NRG1: variants seen among roughly 807,000 people sequenced by gnomAD.
NRG1 encodes the protein neuregulin 1.
NRG1 carries 18 observed loss-of-function variants against 63.8 expected under a neutral mutation model. The ratio of observed to expected loss-of-function variants is 0.28; its 90% CI spans 0.19 to 0.42. NRG1 has a LOEUF of 0.42. Ranked by LOEUF, NRG1 falls within the 10% of genes least tolerant of loss-of-function variation. The pLI is 1.00. For synonymous variants in NRG1, 302 were observed against 301.3 expected, an observed-to-expected ratio of 1.00 and a Z score of -0.02; for missense variants, 762 against 814.7, an observed-to-expected ratio of 0.94 and a Z score of 0.79.
At chr8:32,254,353 T>A (rs1435776514) in intron 1 of NRG1, among the ~76,000 whole-genome samples, 1 of 152,242 alleles carries the variant, frequency 6.6e-6, no homozygotes, top group Non-Finnish European at 1.5e-5. Flanking sequence ...GCTTTAGCTG[T>A]GTCCCAGATA....
chr8:31,662,963 G>A (rs1267946166), intron 1 of NRG1, among the ~76,000 whole-genome samples: 5 of 152,088 alleles, frequency 3.3e-5, no homozygotes, highest in Non-Finnish European at 7.4e-5. Context: ...TTCTCTCCAT[G>A]CCTGTGGCCA....
At chr8:31,968,071 C>T (rs965751515) in intron 1 of NRG1, among the ~76,000 whole-genome samples, 1 of 152,080 alleles carries the variant, frequency 6.6e-6, no homozygotes, top group African/African-American at 2.4e-5. Context: ...GAAGCACATC[C>T]CTCCCTTTTG....
At chr8:32,447,091 GCAACCTCCACTTGAACCTCC>G (rs1820355192) in intron 1 of NRG1, among the ~76,000 whole-genome samples, 1 of 151,426 alleles carries the variant, frequency 6.6e-6, no homozygotes, top group Admixed American at 6.6e-5. Flanking sequence ...TCAGCTCACT[GCAACCTCCACTTGAACCTCC>G]AGGTTCAAGT....
At chr8:31,880,588 G>A (rs1310588798) in intron 1 of NRG1, among the ~76,000 whole-genome samples, 3 of 152,104 alleles carry the variant, frequency 2.0e-5, no homozygotes, top group African/African-American at 7.2e-5. Context: ...CCCTCTCCAT[G>A]TCTGAACCTT....
intron 1 of NRG1, among the ~76,000 whole-genome samples, chr8:32,215,620 C>T (rs1463647159): frequency 1.3e-5 from 2 of 152,206 alleles, no homozygotes; most frequent in Non-Finnish European, 2.9e-5. Context: ...GAGTCTGAAT[C>T]TATTGCCTCT....
At chr8:31,727,741 A>G (rs1210354097) in intron 1 of NRG1, among the ~76,000 whole-genome samples, 1 of 152,196 alleles carries the variant, frequency 6.6e-6, no homozygotes, top group African/African-American at 2.4e-5. Flanking sequence ...CAAGTCCTAC[A>G]TATATTGTCT....
At chr8:32,397,187 T>G (rs186508663) in intron 1 of NRG1, among the ~76,000 whole-genome samples, 2 of 152,294 alleles carry the variant, frequency 1.3e-5, no homozygotes, top group South Asian at 2.1e-4. Flanking sequence ...CCTGGAAAGC[T>G]AATTTTTCTA....
chr8:32,177,769 C>T (rs1840959849), intron 1 of NRG1, among the ~76,000 whole-genome samples: 1 of 152,102 alleles, frequency 6.6e-6, no homozygotes, highest in African/African-American at 2.4e-5. Flanking sequence ...GGGACCATTT[C>T]AGCATGTTCT....
chr8:32,483,890 C>G (rs531998184), intron 1 of NRG1, among the ~76,000 whole-genome samples: 2 of 152,168 alleles, frequency 1.3e-5, no homozygotes, highest in African/African-American at 4.8e-5. Context: ...AGATCACAAG[C>G]TCAGGAGATC....
At chr8:32,551,313 T>A (rs1563626226) in intron 1 of NRG1, among the ~76,000 whole-genome samples, 1 of 152,340 alleles carries the variant, frequency 6.6e-6, no homozygotes, top group Non-Finnish European at 1.5e-5. Context: ...TCTTAGTGCC[T>A]GTCAGTTCCA....
chr8:31,687,093 C>T (rs1322038699), intron 1 of NRG1, among the ~76,000 whole-genome samples: 1 of 151,910 alleles, frequency 6.6e-6, no homozygotes, highest in Non-Finnish European at 1.5e-5. Context: ...TTAATAGCTA[C>T]TTAGGAAATT....
intron 1 of NRG1, among the ~76,000 whole-genome samples, chr8:32,328,579 C>T (rs994235224): frequency 6.6e-6 from 1 of 152,036 alleles, no homozygotes; most frequent in East Asian, 1.9e-4. Flanking sequence ...TTGTAGAAAT[C>T]CCACCTCTCT....
At chr8:31,810,742 G>GT (rs1401754243) in intron 1 of NRG1, among the ~76,000 whole-genome samples, 45 of 152,238 alleles carry the variant, frequency 3.0e-4, no homozygotes, top group African/African-American at 1.0e-3. Flanking sequence ...ACCAAGATAG[G>GT]TTTGTTTGTG....
chr8:32,096,150 A>G (rs906920054), intron 1 of NRG1, among the ~76,000 whole-genome samples: 12 of 152,220 alleles, frequency 7.9e-5, no homozygotes, highest in African/African-American at 2.4e-4. Context: ...TTTGCATTGT[A>G]TTTGAACACC....
chr8:31,846,830 G>A (rs1284597287), intron 1 of NRG1, among the ~76,000 whole-genome samples: 1 of 152,142 alleles, frequency 6.6e-6, no homozygotes, highest in African/African-American at 2.4e-5. Flanking sequence ...GTTAGGATTG[G>A]TGAGGCTGAA....
intron 5 of NRG1, among the ~76,000 whole-genome samples, chr8:32,630,941 A>C (rs2129544081): frequency 6.6e-6 from 1 of 152,288 alleles, no homozygotes; most frequent in Non-Finnish European, 1.5e-5. Flanking sequence ...ATGAAGAATA[A>C]GAAATTGTAG....
intron 5 of NRG1, among the ~76,000 whole-genome samples, chr8:32,633,350 G>A (rs909197645): frequency 2.6e-5 from 4 of 152,012 alleles, no homozygotes; most frequent in African/African-American, 9.7e-5. Context: ...ACCGAGAATG[G>A]AAACAGACAG....
chr8:31,771,265 C>G (rs1480233631), intron 1 of NRG1, among the ~76,000 whole-genome samples: 2 of 152,066 alleles, frequency 1.3e-5, no homozygotes, highest in African/African-American at 4.8e-5. Flanking sequence ...TTGAGATTGA[C>G]TTTTTTTCCC....
At chr8:31,822,506 G>T (rs1026677092) in intron 1 of NRG1, among the ~76,000 whole-genome samples, 1 of 152,150 alleles carries the variant, frequency 6.6e-6, no homozygotes, top group Non-Finnish European at 1.5e-5. Flanking sequence ...ATAGGTTGAG[G>T]AAATTGTGTA....
Sources: allele counts gnomAD v4.1 joint callset (sites outside exome capture counted in the v4.1 genomes callset), GRCh38; gene constraint gnomAD v4.1.1; transcripts MANE v1.5; gene names NCBI Gene and HGNC (gene_info 2026-07-23, HGNC 2026-07-21).